The following ZZEF1 variants were observed in gnomAD, a reference collection of about 807,000 sequenced individuals.
The protein encoded by ZZEF1 is zinc finger ZZ-type and EF-hand domain containing 1.
Under a neutral mutation model 342.8 loss-of-function variants are expected in ZZEF1, and 157 were observed. The ratio of observed to expected loss-of-function variants is 0.46; its 90% CI spans 0.40 to 0.52. The LOEUF is 0.52. Among genes scored for constraint, ZZEF1 ranks in the 20% least tolerant of loss-of-function variants. The probability of loss-of-function intolerance (pLI) is 0.00; values close to 1 mark genes in which losing one functional copy is unlikely to be tolerated. For synonymous variants in ZZEF1, 1,505 were observed against 1,429.1 expected, an observed-to-expected ratio of 1.05 and a Z score of -1.20; for missense variants, 3,480 against 3,725.6, an observed-to-expected ratio of 0.93 and a Z score of 1.72.
intron 34 of ZZEF1, among the ~76,000 whole-genome samples, chr17:4,052,896 C>T (rs1251664683): frequency 1.3e-5 from 2 of 152,006 alleles, no homozygotes; most frequent in Non-Finnish European, 2.9e-5. Context: ...AAAAACCAGA[C>T]CCAGACCCAG....
chr17:4,030,403 G>T (rs578071351), intron 42 of ZZEF1, among the ~76,000 whole-genome samples: 1 of 152,310 alleles, frequency 6.6e-6, no homozygotes, highest in East Asian at 1.9e-4. Context: ...TCAACGTAAT[G>T]ATTTTTCAAC....
rs2676276 is a variant in ZZEF1, at chr17:4,016,687, A to G, written c.8002-221T>C. The G allele has an allele frequency of 0.44, 226,130 of 518,944 alleles. 52,871 individuals are homozygous for G. Among genetic ancestry groups the G allele is most frequent in the African/African-American group, 0.78 (40,827 of 52,606 alleles). The allele number at this position is 518,944 out of a possible 1,614,324, so 32.1% of individuals were successfully genotyped here. A position where few individuals can be genotyped will look rare whatever the true frequency, so the allele number is the denominator to read the frequency against. Reference sequence around the variant, plus strand: ...ACTGCAGTCCTTTCAGAATGATGCTACTTAGAGGTGGTCTGAAAGAACTAA... The same window carrying G: ...ACTGCAGTCCTTTCAGAATGATGCTGCTTAGAGGTGGTCTGAAAGAACTAA... On this transcript the variant is annotated intron_variant, in intron 48 of 54. Coordinates refer to ENST00000381638, the MANE Select transcript of ZZEF1 (RefSeq NM_015113.4). The surrounding 1 kb of genome is among the most constrained non-coding windows in gnomAD (Gnocchi z 4.4).
At chr17:4,101,471 G>A (rs1243365641) in intron 9 of ZZEF1, among the ~76,000 whole-genome samples, 2 of 152,098 alleles carry the variant, frequency 1.3e-5, no homozygotes, top group Non-Finnish European at 2.9e-5. Context: ...CAAGACGAAT[G>A]AGAGACTCAC....
chr17:4,114,504 C>G (rs181465432), intron 3 of ZZEF1, 34 bp from the exon 4 acceptor site: 12 of 1,408,112 alleles, frequency 8.5e-6, no homozygotes. Context: ...TATATGACAT[C>G]CCTTTCACAA....
intron 18 of ZZEF1, among the ~76,000 whole-genome samples, chr17:4,079,486 A>C (rs901573814): frequency 6.6e-6 from 1 of 152,228 alleles, no homozygotes; most frequent in Admixed American, 6.5e-5. Flanking sequence ...GATGAGACTG[A>C]AGTGAGTTTT....
In ZZEF1 at chr17:4,037,535, G is replaced by A. The variant is rs576442828; in HGVS notation, c.6307-3243C>T. Among the ~76,000 whole-genome samples the A allele has an allele frequency of 2.0e-4, 30 of 152,282 alleles. 1 individual carries two copies. The South Asian group carries it at 6.0e-3, about 31-fold the overall frequency. On this transcript the variant is annotated intron_variant, in intron 39 of 54. Transcript: ENST00000381638. Reference sequence around the variant, plus strand: ...GACTGATAACTGTTAAAGACTAGAGGTGATTAAAAGACATGACAACAAACT... The same window carrying A: ...GACTGATAACTGTTAAAGACTAGAGATGATTAAAAGACATGACAACAAACT...
intron 52 of ZZEF1, among the ~76,000 whole-genome samples, chr17:4,011,474 G>C (rs1394870261): frequency 6.6e-6 from 1 of 151,760 alleles, no homozygotes; most frequent in Non-Finnish European, 1.5e-5. Flanking sequence ...CAAGATGCTT[G>C]CAAGGTTGCT....
chr17:4,083,435 C>T (rs1415327916), intron 16 of ZZEF1, among the ~76,000 whole-genome samples: 1 of 152,186 alleles, frequency 6.6e-6, no homozygotes, highest in African/African-American at 2.4e-5. Flanking sequence ...AGTGATTCCT[C>T]AGGCTGATAT....
intron 49 of ZZEF1, among the ~76,000 whole-genome samples, chr17:4,015,743 G>A (rs554203100): frequency 4.7e-4 from 72 of 152,298 alleles, no homozygotes; most frequent in African/African-American, 1.7e-3. Flanking sequence ...CAGCCTGGGC[G>A]ACAGAGTGAG....
At chr17:4,113,473 C>T (rs2058346456) in intron 4 of ZZEF1, among the ~76,000 whole-genome samples, 1 of 152,098 alleles carries the variant, frequency 6.6e-6, no homozygotes, top group Non-Finnish European at 1.5e-5. Flanking sequence ...TGAGACCAGC[C>T]TGCCAACATG....
rs2055804648 is a variant in ZZEF1 at position 4,006,561 on chromosome 17, G to A, written c.*329C>T. On this transcript the variant is annotated 3_prime_UTR_variant, in exon 55 of 55. Transcript: ENST00000381638. ...ACGGAGACAGAAACCAGTTGAGAGA[G>A]GCCGCTTCCAAGTCTTCCCAGGCCC... is the stretch of plus-strand genomic sequence containing the variant. 5.5e-6 allele frequency: 2 copies of A among 360,394 alleles called. No homozygotes were observed. Among genetic ancestry groups the A allele is most frequent in the Admixed American group, 8.6e-5 (2 of 23,144 alleles). The allele number at this position is 360,394 out of a possible 1,614,324, so 22.3% of individuals were successfully genotyped here. A position where few individuals can be genotyped will look rare whatever the true frequency, so the allele number is the denominator to read the frequency against.
chr17:4,056,200 A>C lies in ZZEF1; in HGVS notation c.5295+16T>G. 1 of 1,566,558 alleles carries C rather than the reference A, an allele frequency of 6.4e-7. No homozygotes were observed. The highest frequency in any genetic ancestry group is 8.6e-7 in the Non-Finnish European group (1 of 1,156,232). The stretch of plus-strand genomic sequence containing the variant: ...CTAGCAAATCACTTCAGAGTACTCT[A>C]GTTGAGAGGTCTTACTTTCCTCTGC... On this transcript the variant is annotated intron_variant, in intron 33 of 54. Coordinates refer to ENST00000381638, the MANE Select transcript of ZZEF1 (RefSeq NM_015113.4).
intron 28 of ZZEF1, among the ~76,000 whole-genome samples, chr17:4,066,234 G>A (rs1162365782): frequency 1.3e-5 from 2 of 152,178 alleles, no homozygotes; most frequent in Admixed American, 6.5e-5. Context: ...TTAGAAAGAT[G>A]TTCCATTTGG....
intron 9 of ZZEF1, among the ~76,000 whole-genome samples, chr17:4,099,075 C>T (rs557507097): frequency 1.3e-5 from 2 of 151,996 alleles, no homozygotes; most frequent in African/African-American, 2.4e-5. Context: ...TCAACAGAAT[C>T]GGATAGACTC....
intron 2 of ZZEF1, among the ~76,000 whole-genome samples, chr17:4,120,358 GAAAAA>G (rs879317172): frequency 7.6e-6 from 1 of 132,170 alleles, no homozygotes; most frequent in Non-Finnish European, 1.6e-5. Context: ...TTCCGTCTCA[GAAAAA>G]AAAAAAAAAT....
intron 37 of ZZEF1, 60 bp downstream of exon 37, chr17:4,049,648 G>A (rs2057001857): frequency 6.2e-7 from 1 of 1,602,500 alleles, no homozygotes; most frequent in Non-Finnish European, 8.5e-7. Flanking sequence ...GCTGCACTGA[G>A]TGAATGGCTC....
At position 4,050,829 on chromosome 17, in the gene ZZEF1, A is replaced by G; in HGVS notation, c.5815T>C (p.Cys1939Arg). Residue 1939 changes from cysteine (C) to arginine (R), a missense_variant, in exon 36 of 55, where the codon TGC becomes CGC. This residue lies in a region of ZZEF1 where 1,269 missense variants were observed against 1,342.4 expected (regional missense o/e 0.95). Transcript: ENST00000381638. The part of the protein sequence containing the change: ...RSSATTLRSQ[C>R]MQLVGDCLMK... Reference sequence around the variant, plus strand: ...AGACAGTCCCCGACGAGCTGCATGCACTGGCTCCGCAGGGTGGTGGCACTG... The same window carrying G: ...AGACAGTCCCCGACGAGCTGCATGCGCTGGCTCCGCAGGGTGGTGGCACTG... 1 of 1,614,118 alleles carries G rather than the reference A, an allele frequency of 6.2e-7. No individual in the cohort carries two copies. The highest frequency in any genetic ancestry group is 8.5e-7 in the Non-Finnish European group (1 of 1,180,014).
At chr17:4,007,080 AC>A (rs2144905989) in intron 54 of ZZEF1, 110 bp from the exon 55 acceptor site, 18 of 971,230 alleles carry the variant, frequency 1.9e-5, no homozygotes, top group Non-Finnish European at 2.4e-5. Context: ...GAGGAGGGGA[AC>A]CAGATGTGTT....
chr17:4,019,685 G>A lies in ZZEF1; in HGVS notation c.7489C>T (p.Leu2497=). ...GTCCCTTACCTCTTCTGAACCTCCAGGAAGAAATAATCGGTCTTTTTCATC... is the reference window on the plus strand; with the variant it reads ...GTCCCTTACCTCTTCTGAACCTCCAAGAAGAAATAATCGGTCTTTTTCATC... The part of the protein sequence containing the change: ...LQMKKTDYFF[L]EVQKRFDGDE... Residue 2497 remains leucine (L), a synonymous_variant, in exon 46 of 55, where the codon CTG becomes TTG. Transcript: ENST00000381638. 1 of 1,612,996 alleles carries A rather than the reference G, an allele frequency of 6.2e-7. No individual in the cohort carries two copies. Among genetic ancestry groups the A allele is most frequent in the Non-Finnish European group, 8.5e-7 (1 of 1,179,682 alleles).
Sources: gnomAD v4.1 joint callset for allele counts (sites outside exome capture counted in the v4.1 genomes callset) on GRCh38, gnomAD v4.1.1 for gene constraint, gnomAD v4.1.1 regional missense constraint, Gnocchi (gnomAD v3.1) non-coding constraint, MANE v1.5 for transcripts, NCBI Gene and HGNC (gene_info 2026-07-23, HGNC 2026-07-21) for gene names.